RORA: variants seen among roughly 807,000 people sequenced by gnomAD.
RORA encodes the protein nuclear receptor ROR-alpha.
In RORA, 7 loss-of-function variants were observed where a neutral mutation model predicts 69.5. The ratio of observed to expected loss-of-function variants is 0.10; its 90% CI spans 0.06 to 0.19. The LOEUF is 0.19. Among genes scored for constraint, RORA ranks in the 10% least tolerant of loss-of-function variants. The probability of loss-of-function intolerance (pLI) is 1.00; values close to 1 mark genes in which losing one functional copy is unlikely to be tolerated. For missense variants in RORA, 457 were observed against 663.0 expected (o/e 0.69, Z 3.41); for synonymous variants, 261 against 240.8 (o/e 1.08, Z -0.78).
At chr15:60,946,028 C>T (rs1409173246) in intron 1 of RORA, among the ~76,000 whole-genome samples, 1 of 152,086 alleles carries the variant, frequency 6.6e-6, no homozygotes, top group Admixed American at 6.5e-5. Flanking sequence ...GGGTTATATG[C>T]AGGAGAAACC....
At chr15:60,744,580 TG>T (rs574867022) in intron 1 of RORA, among the ~76,000 whole-genome samples, 2 of 152,126 alleles carry the variant, frequency 1.3e-5, no homozygotes, top group Admixed American at 6.5e-5. Flanking sequence ...ACCAGCAAAC[TG>T]GGGGGCAAGA....
chr15:61,186,643 A>G (rs1446340206), intron 1 of RORA, among the ~76,000 whole-genome samples: 2 of 10,962 alleles, frequency 1.8e-4, no homozygotes, highest in Non-Finnish European at 3.6e-4. Context: ...CCTGACTCAA[A>G]AAAAAAAAAA....
intron 2 of RORA, among the ~76,000 whole-genome samples, chr15:60,576,385 T>C (rs1172027462): frequency 6.6e-6 from 1 of 152,146 alleles, no homozygotes; most frequent in Non-Finnish European, 1.5e-5. Flanking sequence ...AGCCTTTTGA[T>C]AGGAAACCAA....
intron 1 of RORA, among the ~76,000 whole-genome samples, chr15:61,088,800 A>C (rs920953298): frequency 2.6e-5 from 4 of 152,306 alleles, no homozygotes; most frequent in South Asian, 4.1e-4. Flanking sequence ...AATTCTATCT[A>C]AAGTCTCCTC....
chr15:60,605,459 G>T (rs74638090), intron 2 of RORA, among the ~76,000 whole-genome samples: 1,801 of 152,120 alleles, frequency 0.012, 14 homozygotes, highest in South Asian at 0.037. Context: ...CAATCTTCCC[G>T]CATACAACTA....
intron 1 of RORA, among the ~76,000 whole-genome samples, chr15:61,206,529 C>A (rs183315184): frequency 2.6e-5 from 4 of 152,170 alleles, no homozygotes; most frequent in African/African-American, 9.7e-5. Flanking sequence ...TAGCAATAAT[C>A]AACTATGATA....
intron 1 of RORA, among the ~76,000 whole-genome samples, chr15:61,142,795 C>CA (rs1298241615): frequency 6.6e-6 from 1 of 152,044 alleles, no homozygotes; most frequent in South Asian, 2.1e-4. Context: ...AAGCATTCGA[C>CA]AAAATCAAAA....
chr15:61,016,745 C>G (rs143167472), intron 1 of RORA, among the ~76,000 whole-genome samples: 1 of 152,066 alleles, frequency 6.6e-6, no homozygotes, highest in East Asian at 1.9e-4. Context: ...AATGGGGAGA[C>G]AAGTCACTGG....
In RORA at chr15:60,505,665, C is replaced by T. The variant is rs199876281; in HGVS notation, c.821-36G>A. On this transcript the variant is annotated intron_variant, in intron 5 of 10. Transcript: ENST00000335670. ...AACGGGAGATCACAAACACGAAAAG[C>T]GAAGTTCTTTGAATAATTGGTGATT... 7.8e-5 allele frequency: 125 copies of T among 1,606,770 alleles called. 1 individual carries two copies. In the Admixed American group the frequency reaches 1.2e-3, roughly 16 times the overall value.
At chr15:61,082,334 CAA>C (rs1258663574) in intron 1 of RORA, among the ~76,000 whole-genome samples, 2 of 152,142 alleles carry the variant, frequency 1.3e-5, no homozygotes, top group South Asian at 4.1e-4. Context: ...ACTAACAATA[CAA>C]AAATTAGCTG....
At chr15:60,723,635 G>A (rs2071320805) in intron 1 of RORA, among the ~76,000 whole-genome samples, 2 of 152,112 alleles carry the variant, frequency 1.3e-5, no homozygotes, top group South Asian at 4.1e-4. Flanking sequence ...ATAAACTCAT[G>A]AGACTTTATC....
At chr15:61,040,244 G>A (rs1896694950) in intron 1 of RORA, among the ~76,000 whole-genome samples, 1 of 148,208 alleles carries the variant, frequency 6.7e-6, no homozygotes, top group South Asian at 2.2e-4. Flanking sequence ...GGTGGTATAT[G>A]GGACACTAAT....
intron 1 of RORA, among the ~76,000 whole-genome samples, chr15:60,775,722 A>G (rs2072156332): frequency 6.6e-6 from 1 of 152,168 alleles, no homozygotes; most frequent in Admixed American, 6.5e-5. Context: ...TTTTCCTATT[A>G]ATGAACAGTA....
chr15:61,009,641 C>T (rs927476999), intron 1 of RORA, among the ~76,000 whole-genome samples: 6 of 152,088 alleles, frequency 3.9e-5, no homozygotes, highest in African/African-American at 1.4e-4. Flanking sequence ...TACGCTTAGA[C>T]CTCACAAATC....
At chr15:61,212,385 C>T (rs1596076016) in intron 1 of RORA, among the ~76,000 whole-genome samples, 1 of 152,088 alleles carries the variant, frequency 6.6e-6, no homozygotes, top group Admixed American at 6.6e-5. Context: ...GGCTTACAAA[C>T]GTTCTGACTT....
chr15:60,645,820 T>C (rs1477879798), intron 2 of RORA, among the ~76,000 whole-genome samples: 1 of 150,212 alleles, frequency 6.7e-6, no homozygotes, highest in Non-Finnish European at 1.5e-5. Flanking sequence ...TTTAAAAAAT[T>C]AAGGGGCTGA....
At chr15:60,652,110 C>CTTT (rs796682420) in intron 2 of RORA, among the ~76,000 whole-genome samples, 1 of 144,868 alleles carries the variant, frequency 6.9e-6, no homozygotes, top group Non-Finnish European at 1.5e-5. Flanking sequence ...AGCAGACTGC[C>CTTT]TTTTTTTTTT....
chr15:60,888,427 G>A (rs1261982006), intron 1 of RORA, among the ~76,000 whole-genome samples: 1 of 152,172 alleles, frequency 6.6e-6, no homozygotes, highest in African/African-American at 2.4e-5. Flanking sequence ...GAGTTACACG[G>A]GGCGAAAAGG....
intron 1 of RORA, among the ~76,000 whole-genome samples, chr15:61,066,612 G>A (rs960444436): frequency 6.6e-6 from 1 of 151,348 alleles, no homozygotes; most frequent in Non-Finnish European, 1.5e-5. Context: ...TATTTTTGTG[G>A]AGACAGGGTT....
Sources: allele counts gnomAD v4.1 joint callset (sites outside exome capture counted in the v4.1 genomes callset), GRCh38; gene constraint gnomAD v4.1.1; transcripts MANE v1.5; gene names NCBI Gene and HGNC (gene_info 2026-07-23, HGNC 2026-07-21).